SUSD4: variants seen among roughly 807,000 people sequenced by gnomAD.
The protein encoded by SUSD4 is sushi domain containing 4, also known as sushi domain-containing protein 4.
Under a neutral mutation model 50.5 loss-of-function variants are expected in SUSD4, and 41 were observed. The ratio of observed to expected loss-of-function variants is 0.81; its 90% CI spans 0.63 to 1.05. The LOEUF (loss-of-function observed/expected upper bound fraction) is 1.05, where lower values mean the gene tolerates loss of function less well. SUSD4 is among the 50% of genes least tolerant of loss of function. The probability of loss-of-function intolerance (pLI) is 0.00; values close to 1 mark genes in which losing one functional copy is unlikely to be tolerated. For missense variants in SUSD4, 580 were observed against 634.7 expected (o/e 0.91, Z 0.93); for synonymous variants, 257 against 257.3 (o/e 1.00, Z 0.01).
At chr1:223,257,278 A>C (rs1661762332) in intron 5 of SUSD4, among the ~76,000 whole-genome samples, 1 of 152,176 alleles carries the variant, frequency 6.6e-6, no homozygotes, top group Non-Finnish European at 1.5e-5. Context: ...CCGAGGTGGG[A>C]GGATTGCTTG....
At chr1:223,306,139 C>T (rs532407585) in intron 2 of SUSD4, among the ~76,000 whole-genome samples, 3 of 152,204 alleles carry the variant, frequency 2.0e-5, no homozygotes, top group South Asian at 2.1e-4. Context: ...GATATTTTCC[C>T]CTCTCTTGAT....
chr1:223,225,602 A>G lies in SUSD4; in HGVS notation c.1062-1971T>C, dbSNP rs76910620. ...ACCAGTAGTTACTGCTTCCTTGACA[A>G]TGATGCTCCCTTCCTCTCCGGCCAC... On this transcript the variant is annotated intron_variant, in intron 7 of 8. Coordinates refer to ENST00000366878, the MANE Select transcript of SUSD4 (RefSeq NM_017982.4). Among the ~76,000 whole-genome samples, 894 of 152,208 alleles carry G rather than the reference A, an allele frequency of 5.9e-3. 10 individuals carry two copies. The highest frequency in any genetic ancestry group is 8.0e-3 in the Non-Finnish European group (541 of 68,012).
intron 2 of SUSD4, among the ~76,000 whole-genome samples, chr1:223,320,712 G>A (rs1196438902): frequency 2.0e-5 from 3 of 152,204 alleles, no homozygotes; most frequent in African/African-American, 7.2e-5. Context: ...TAGTCTGAGA[G>A]TCTCAGAGCA....
chr1:223,329,331 G>A lies in SUSD4; in HGVS notation c.148+33947C>T, dbSNP rs528624011. Reference sequence around the variant, plus strand: ...CAATAATGAACAAGGATATAGCTGTGAGTTGTCTGCTCTGACTTAATAATT... The same window carrying A: ...CAATAATGAACAAGGATATAGCTGTAAGTTGTCTGCTCTGACTTAATAATT... On this transcript the variant is annotated intron_variant, in intron 2 of 8. Coordinates refer to ENST00000366878, the MANE Select transcript of SUSD4 (RefSeq NM_017982.4). Among the ~76,000 whole-genome samples, 3 of 152,274 alleles carry A rather than the reference G, an allele frequency of 2.0e-5. No individual in the cohort carries two copies. The South Asian group carries it at 6.2e-4, about 32-fold the overall frequency.
Position 223,337,636 on chromosome 1 carries a change from C to T in SUSD4, c.148+25642G>A, listed in dbSNP as rs529850124. ...CACCGCAGCCTGGAAGCCCAGACTC[C>T]AGTGCCTGCTTCTGTGAGCTGTGTA... On this transcript the variant is annotated intron_variant, in intron 2 of 8. Coordinates refer to ENST00000366878, the MANE Select transcript of SUSD4 (RefSeq NM_017982.4). 1.3e-4 allele frequency among the ~76,000 whole-genome samples: 20 copies of T among 152,328 alleles called. No homozygotes were observed. The South Asian group carries it at 3.7e-3, about 28-fold the overall frequency.
At chr1:223,289,531 C>T (rs975570206) in intron 3 of SUSD4, among the ~76,000 whole-genome samples, 2 of 152,146 alleles carry the variant, frequency 1.3e-5, no homozygotes, top group Admixed American at 6.5e-5. Flanking sequence ...GAGCACTTTA[C>T]TGTCATAAAG....
chr1:223,346,464 G>A (rs999735972), intron 2 of SUSD4, among the ~76,000 whole-genome samples: 13 of 152,130 alleles, frequency 8.5e-5, no homozygotes, highest in Non-Finnish European at 1.2e-4. Flanking sequence ...AGCAGATGAC[G>A]TTAGCTGGCA....
chr1:223,224,513 A>AT (rs1659361967), intron 7 of SUSD4, among the ~76,000 whole-genome samples: 1 of 152,210 alleles, frequency 6.6e-6, no homozygotes, highest in Non-Finnish European at 1.5e-5. Context: ...AGGAAAAAAA[A>AT]GGAAAGCTGT....
chr1:223,311,264 G>A (rs1357812378), intron 2 of SUSD4, among the ~76,000 whole-genome samples: 1 of 152,178 alleles, frequency 6.6e-6, no homozygotes, highest in African/African-American at 2.4e-5. Flanking sequence ...AATGGAGTTA[G>A]TTGGTTTGTG....
intron 5 of SUSD4, among the ~76,000 whole-genome samples, chr1:223,241,854 A>C (rs1398381090): frequency 6.6e-6 from 1 of 152,212 alleles, no homozygotes; most frequent in Non-Finnish European, 1.5e-5. Context: ...TGCCTTTCAG[A>C]GTCCTGGAAA....
Position 223,363,311 on chromosome 1 carries a change from C to G in SUSD4, c.115G>C (p.Ala39Pro). ...LLAVILWFQL[A>P]LCFGPAQLTG... is the part of the protein sequence containing the mutation. ...AGCTGTGCAGGGCCGAAGCACAGCG[C>G]CAGCTGAAACCACAGGATCACGGCC... Residue 39 changes from alanine to proline, a missense_variant, in exon 2 of 9, where the codon GCG becomes CCG. By Grantham distance (27) the Ala-to-Pro change is conservative (BLOSUM62 -1). Coordinates refer to ENST00000366878, the MANE Select transcript of SUSD4 (RefSeq NM_017982.4). 1.2e-6 allele frequency: 2 copies of G among 1,610,322 alleles called. No homozygotes were observed. The highest frequency in any genetic ancestry group is 1.7e-6 in the Non-Finnish European group (2 of 1,178,562).
At chr1:223,320,096 C>G (rs1666483047) in intron 2 of SUSD4, among the ~76,000 whole-genome samples, 2 of 152,192 alleles carry the variant, frequency 1.3e-5, no homozygotes, top group Non-Finnish European at 1.5e-5. Flanking sequence ...TAAGCCCTCC[C>G]GAAGCTTCCC....
rs78219472 is a variant in SUSD4, at chr1:223,270,401, A to G, written c.362-1726T>C. On this transcript the variant is annotated intron_variant, in intron 3 of 8. Coordinates refer to ENST00000366878, the MANE Select transcript of SUSD4 (RefSeq NM_017982.4). ...AAGCTGTGAGGGCACAGCCCTCTGGAGCACGGCTAACAGGCTTGGGGCACA... is the reference window on the plus strand; with the variant it reads ...AAGCTGTGAGGGCACAGCCCTCTGGGGCACGGCTAACAGGCTTGGGGCACA... Among the ~76,000 whole-genome samples the G allele has an allele frequency of 2.8e-3, 420 of 152,246 alleles. 2 individuals are homozygous for G. Among genetic ancestry groups the G allele is most frequent in the African/African-American group, 9.6e-3 (398 of 41,536 alleles).
chr1:223,315,500 C>A (rs1416771391), intron 2 of SUSD4, among the ~76,000 whole-genome samples: 1 of 152,224 alleles, frequency 6.6e-6, no homozygotes, highest in Non-Finnish European at 1.5e-5. Flanking sequence ...TGTGGCCCCA[C>A]CCACAAGCAG....
At chr1:223,296,529 C>T (rs1385801207) in intron 2 of SUSD4, among the ~76,000 whole-genome samples, 1 of 152,122 alleles carries the variant, frequency 6.6e-6, no homozygotes, top group African/African-American at 2.4e-5. Flanking sequence ...CAGTCCAAGG[C>T]ACAGGTGGGC....
At chr1:223,330,737 T>C (rs1351996019) in intron 2 of SUSD4, among the ~76,000 whole-genome samples, 1 of 152,176 alleles carries the variant, frequency 6.6e-6, no homozygotes, top group East Asian at 1.9e-4. Context: ...CAAATTCAAG[T>C]AAACAGATTG....
chr1:223,324,897 C>T (rs1039863642), intron 2 of SUSD4, among the ~76,000 whole-genome samples: 2 of 152,032 alleles, frequency 1.3e-5, no homozygotes, highest in Admixed American at 6.6e-5. Context: ...TTTGTAAACA[C>T]GTACTCACAT....
chr1:223,341,994 C>G (rs936166457), intron 2 of SUSD4, among the ~76,000 whole-genome samples: 3 of 152,130 alleles, frequency 2.0e-5, no homozygotes, highest in African/African-American at 7.2e-5. Context: ...AATGAGGCAA[C>G]AGGCAAAGCA....
At chr1:223,352,349 A>G (rs374541238) in intron 2 of SUSD4, among the ~76,000 whole-genome samples, 2 of 152,242 alleles carry the variant, frequency 1.3e-5, no homozygotes, top group African/African-American at 4.8e-5. Flanking sequence ...CTGCAGCAGC[A>G]GATTTTCAGC....
Sources: allele counts gnomAD v4.1 joint callset (sites outside exome capture counted in the v4.1 genomes callset), GRCh38; gene constraint gnomAD v4.1.1; transcripts MANE v1.5; gene names NCBI Gene and HGNC (gene_info 2026-07-23, HGNC 2026-07-21).